MORN5: variants seen among roughly 807,000 people sequenced by gnomAD.
MORN5 encodes MORN repeat-containing protein 5.
In MORN5, 21 loss-of-function variants were observed where a neutral mutation model predicts 22.1. The observed-to-expected ratio is 0.95, with a 90% confidence interval of 0.67 to 1.37. The LOEUF is 1.37. Among genes scored for constraint, MORN5 ranks in the 40% most tolerant of loss-of-function variants. The probability of loss-of-function intolerance (pLI) is 0.00; values close to 1 mark genes in which losing one functional copy is unlikely to be tolerated. For synonymous variants in MORN5, 73 were observed against 74.0 expected (o/e 0.99, Z 0.07); for missense variants, 211 against 215.1 (o/e 0.98, Z 0.12).
intron 3 of MORN5, 142 bp downstream of exon 3, chr9:122,169,898 G>GTC: frequency 1.5e-6 from 1 of 654,570 alleles, no homozygotes; most frequent in South Asian, 1.9e-5. Flanking sequence ...AAAGAGCCAG[G>GTC]TCCTGGAGCC....
chr9:122,169,504 C>T (rs541199641), intron 2 of MORN5, 141 bp from the exon 3 acceptor site: 6 of 630,394 alleles, frequency 9.5e-6, no homozygotes, highest in South Asian at 3.8e-5. Flanking sequence ...TCCCTCTTGT[C>T]GTCACAACCA....
At chr9:122,160,150 C>A in intron 1 of MORN5, 131 bp downstream of exon 1, 2 of 732,740 alleles carry the variant, frequency 2.7e-6, no homozygotes, top group Non-Finnish European at 2.3e-6. Context: ...TTTCAAGGAC[C>A]ATATCTAATA....
chr9:122,163,573 G>A (rs1829232944), intron 1 of MORN5, among the ~76,000 whole-genome samples: 1 of 152,192 alleles, frequency 6.6e-6, no homozygotes, highest in Non-Finnish European at 1.5e-5. Context: ...AAGTTTTTAG[G>A]CAGAGGGAAC....
chr9:122,196,762 CTTTAA>C (rs1167129408), intron 4 of MORN5, among the ~76,000 whole-genome samples: 27 of 152,316 alleles, frequency 1.8e-4, no homozygotes, highest in Non-Finnish European at 4.4e-5. Context: ...TTCAATTTAT[CTTTAA>C]TTTTTCTTCT....
chr9:122,195,061 GT>G (rs762951566), intron 4 of MORN5, among the ~76,000 whole-genome samples: 2 of 151,328 alleles, frequency 1.3e-5, no homozygotes, highest in Non-Finnish European at 2.9e-5. Context: ...TTCAAAAATT[GT>G]GATCTGAGGG....
chr9:122,169,623 G>A lies in MORN5; in HGVS notation c.196-22G>A, dbSNP rs375485093. Reference sequence around the variant, plus strand: ...AAGCCTTCAGCTTCCTCAGATGCACGTGTGTGCTCCTTGTCTTCCAGGGCA... The same window carrying A: ...AAGCCTTCAGCTTCCTCAGATGCACATGTGTGCTCCTTGTCTTCCAGGGCA... On this transcript the variant is annotated intron_variant, in intron 2 of 4. Coordinates refer to ENST00000373764, the MANE Select transcript of MORN5 (RefSeq NM_198469.4). 2.5e-5 allele frequency: 39 copies of A among 1,558,716 alleles called. No homozygotes were observed. In the African/African-American group the frequency reaches 3.5e-4, roughly 14 times the overall value.
intron 4 of MORN5, among the ~76,000 whole-genome samples, chr9:122,198,944 T>TA (rs1361178464): frequency 6.6e-6 from 1 of 152,194 alleles, no homozygotes; most frequent in Non-Finnish European, 1.5e-5. Context: ...CAACAGCACA[T>TA]ATTTTACAGA....
intron 4 of MORN5, among the ~76,000 whole-genome samples, chr9:122,184,929 C>A (rs1391291655): frequency 1.3e-5 from 2 of 152,218 alleles, no homozygotes; most frequent in East Asian, 3.8e-4. Context: ...CGAGGGCCTG[C>A]CTAGCAGCCC....
intron 4 of MORN5, among the ~76,000 whole-genome samples, chr9:122,195,191 A>G (rs925826309): frequency 1.3e-5 from 2 of 152,194 alleles, no homozygotes; most frequent in Non-Finnish European, 2.9e-5. Flanking sequence ...CTGGGTTTTC[A>G]TGTATTTCTT....
At position 122,181,956 on chromosome 9, in the gene MORN5, G is replaced by A. The variant is rs183707234; in HGVS notation, c.439+7329G>A. ...GAGAGAAAGAAGTGAGTTAGAGCCTGGGATTTGTTAAGCTTTCTCTAGGTG... is the reference window on the plus strand; with the variant it reads ...GAGAGAAAGAAGTGAGTTAGAGCCTAGGATTTGTTAAGCTTTCTCTAGGTG... On this transcript the variant is annotated intron_variant, in intron 4 of 4. Coordinates refer to ENST00000373764, the MANE Select transcript of MORN5 (RefSeq NM_198469.4). 6.6e-5 allele frequency among the ~76,000 whole-genome samples: 10 copies of A among 152,330 alleles called. No homozygotes were observed. The East Asian group carries it at 1.9e-3, about 29-fold the overall frequency.
chr9:122,171,034 A>T (rs2118750306), intron 3 of MORN5, among the ~76,000 whole-genome samples: 1 of 152,332 alleles, frequency 6.6e-6, no homozygotes, highest in East Asian at 1.9e-4. Flanking sequence ...TTGGCACAGC[A>T]GAGATAATAT....
Position 122,188,695 on chromosome 9 carries a change from G to A in MORN5, c.440-11190G>A, listed in dbSNP as rs143188830. On this transcript the variant is annotated intron_variant, in intron 4 of 4. Transcript: ENST00000373764. ...CATCATGAACATGTTTAGTGAACAT[G>A]GATTCAATTATAAGTGCTCAAAAAG... is the stretch of plus-strand genomic sequence containing the variant. Among the ~76,000 whole-genome samples the A allele has an allele frequency of 9.4e-3, 1,433 of 152,296 alleles. 25 individuals are homozygous for A. The highest frequency in any genetic ancestry group is 0.033 in the African/African-American group (1,376 of 41,554).
At position 122,174,693 on chromosome 9, in the gene MORN5, G is replaced by T. The variant is rs745369895; in HGVS notation, c.439+66G>T. ...CACATATGAGTATGTGCATCTGTAT[G>T]TACAAATGTATGCACACACTTGATG... On this transcript the variant is annotated intron_variant, in intron 4 of 4. Transcript: ENST00000373764. 3.1e-6 allele frequency: 5 copies of T among 1,611,320 alleles called. No homozygotes were observed. The South Asian group carries it at 5.5e-5, about 18-fold the overall frequency.
intron 2 of MORN5, among the ~76,000 whole-genome samples, chr9:122,168,280 C>A (rs1459820666): frequency 6.6e-6 from 1 of 152,222 alleles, no homozygotes; most frequent in Admixed American, 6.5e-5. Context: ...CTGCTACTAT[C>A]ATTATAACTT....
At chr9:122,180,618 G>T (rs1412195586) in intron 4 of MORN5, among the ~76,000 whole-genome samples, 4 of 152,090 alleles carry the variant, frequency 2.6e-5, no homozygotes, top group African/African-American at 7.2e-5. Context: ...TTTTTAAGAT[G>T]CTGGTTGCTA....
chr9:122,163,005 C>A lies in MORN5; in HGVS notation c.47+2986C>A, dbSNP rs376042440. On this transcript the variant is annotated intron_variant, in intron 1 of 4. Coordinates refer to ENST00000373764, the MANE Select transcript of MORN5 (RefSeq NM_198469.4). ...TCAATGTATCTACTTAAAAAAAAAA[C>A]CTTAAAAGAGACATGATTTCCCTGT... is the stretch of plus-strand genomic sequence containing the variant. Among the ~76,000 whole-genome samples the A allele has an allele frequency of 2.0e-5, 3 of 150,928 alleles. No homozygotes were observed. In the East Asian group the frequency reaches 5.9e-4, roughly 29 times the overall value.
At chr9:122,179,875 C>T (rs1829511210) in intron 4 of MORN5, among the ~76,000 whole-genome samples, 1 of 152,206 alleles carries the variant, frequency 6.6e-6, no homozygotes, top group African/African-American at 2.4e-5. Flanking sequence ...TTCCTGTTGG[C>T]ATCCTGAAGG....
At chr9:122,170,393 G>A (rs1423335447) in intron 3 of MORN5, among the ~76,000 whole-genome samples, 1 of 152,174 alleles carries the variant, frequency 6.6e-6, no homozygotes, top group Non-Finnish European at 1.5e-5. Context: ...GTTTAGAACA[G>A]TGCCTTGAAT....
intron 4 of MORN5, among the ~76,000 whole-genome samples, chr9:122,189,181 C>T (rs1038185148): frequency 1.3e-5 from 2 of 150,138 alleles, no homozygotes; most frequent in Non-Finnish European, 3.0e-5. Context: ...GGTGACAGAG[C>T]GAGACTCCAT....
Sources: allele counts gnomAD v4.1 joint callset (sites outside exome capture counted in the v4.1 genomes callset), GRCh38; gene constraint gnomAD v4.1.1; transcripts MANE v1.5; gene names NCBI Gene and HGNC (gene_info 2026-07-23, HGNC 2026-07-21).